The following MAP2K4 variants were observed in gnomAD, a reference collection of about 807,000 sequenced individuals.
The protein encoded by MAP2K4 is dual specificity mitogen-activated protein kinase kinase 4.
MAP2K4 carries 4 observed loss-of-function variants against 48.5 expected under a neutral mutation model. The observed-to-expected ratio is 0.08, with a 90% CI of 0.04 to 0.19. The LOEUF (loss-of-function observed/expected upper bound fraction) is 0.19. Among genes scored for constraint, MAP2K4 ranks in the 10% least tolerant of loss-of-function variants. The pLI, the probability that MAP2K4 is intolerant of heterozygous loss-of-function variation, is 1.00. For synonymous variants in MAP2K4, 166 were observed against 173.1 expected, an observed-to-expected ratio of 0.96 and a Z score of 0.32; for missense variants, 258 against 493.3, an observed-to-expected ratio of 0.52 and a Z score of 4.52.
chr17:12,033,953 C>T (rs547111132), intron 1 of MAP2K4, among the ~76,000 whole-genome samples: 1 of 152,198 alleles, frequency 6.6e-6, no homozygotes, highest in East Asian at 1.9e-4. Flanking sequence ...CCACACCCAG[C>T]TCATTTTAAA....
chr17:12,090,001 TCATATCC>T lies in MAP2K4; in HGVS notation c.394-5573_394-5567del, dbSNP rs549745232. On this transcript the variant is annotated intron_variant, in intron 3 of 10. Transcript: ENST00000353533. The stretch of plus-strand genomic sequence containing the variant: ...GATTCCTTACATGTTTGCTGATGAC[TCATATCC>T]TTTTTGCCTAGAATGTTCAGATCCT... Among the ~76,000 whole-genome samples the T allele has an allele frequency of 2.3e-4, 35 of 152,370 alleles. No homozygotes were observed. In the South Asian group the frequency reaches 5.2e-3, roughly 23 times the overall value.
At chr17:12,029,806 G>A (rs372518017) in intron 1 of MAP2K4, among the ~76,000 whole-genome samples, 6 of 151,880 alleles carry the variant, frequency 4.0e-5, no homozygotes, top group African/African-American at 1.4e-4. Flanking sequence ...AGACATAGTG[G>A]CTTGCACCTG....
chr17:12,047,838 A>G (rs1173807064), intron 1 of MAP2K4, among the ~76,000 whole-genome samples: 1 of 152,178 alleles, frequency 6.6e-6, no homozygotes, highest in Non-Finnish European at 1.5e-5. Flanking sequence ...TCCTTATCAC[A>G]ACAGTACTGC....
intron 7 of MAP2K4, among the ~76,000 whole-genome samples, chr17:12,114,518 A>G (rs1347005603): frequency 1.3e-5 from 2 of 152,096 alleles, no homozygotes; most frequent in East Asian, 3.9e-4. Context: ...TCATTTGTTT[A>G]TCGTGATAAC....
chr17:12,028,261 A>G (rs192214081), intron 1 of MAP2K4, among the ~76,000 whole-genome samples: 1 of 152,212 alleles, frequency 6.6e-6, no homozygotes, highest in Non-Finnish European at 1.5e-5. Flanking sequence ...AAGAGCTGGC[A>G]TTATGAGGAC....
intron 4 of MAP2K4, among the ~76,000 whole-genome samples, chr17:12,104,326 A>G (rs549149155): frequency 2.0e-5 from 3 of 152,230 alleles, no homozygotes; most frequent in South Asian, 2.1e-4. Context: ...CTGCCTTTCT[A>G]TACTTTAAAG....
At position 12,143,351 on chromosome 17, in the gene MAP2K4, A is replaced by G; in HGVS notation, c.*2091A>G. 4.3e-6 allele frequency: 1 copy of G among 232,796 alleles called. No homozygotes were observed. The highest frequency in any genetic ancestry group is 8.5e-6 in the Non-Finnish European group (1 of 117,514). 14.4% of individuals were successfully genotyped at this position (232,796 alleles called of 1,614,324 possible). On this transcript the variant is annotated 3_prime_UTR_variant, in exon 11 of 11. Coordinates refer to ENST00000353533, the MANE Select transcript of MAP2K4 (RefSeq NM_003010.4). ...AGAAGGCAATTTTAGTGTATTAATCATAGATTATTATAAACTATAAACTTA... is the reference window on the plus strand; with the variant it reads ...AGAAGGCAATTTTAGTGTATTAATCGTAGATTATTATAAACTATAAACTTA...
Position 12,057,122 on chromosome 17 carries a change from T to C in MAP2K4, c.218+2131T>C, listed in dbSNP as rs546996301. 7.6e-4 allele frequency among the ~76,000 whole-genome samples: 116 copies of C among 152,282 alleles called. 1 individual carries two copies. Among genetic ancestry groups the C allele is most frequent in the African/African-American group, 2.7e-3 (113 of 41,562 alleles). On this transcript the variant is annotated intron_variant, in intron 2 of 10. Coordinates refer to ENST00000353533, the MANE Select transcript of MAP2K4 (RefSeq NM_003010.4). ...AAAAAATTGTAAGACAGTGTTCTTT[T>C]TTTCTGAGAACCAACAGTTTAAATA...
intron 1 of MAP2K4, 38 bp from the exon 2 acceptor site, chr17:12,054,851 G>A (rs1250252243): frequency 5.2e-6 from 7 of 1,352,250 alleles, no homozygotes; most frequent in South Asian, 1.2e-5. Flanking sequence ...CTGTTTTGTA[G>A]TACTTGAAAC....
intron 1 of MAP2K4, among the ~76,000 whole-genome samples, chr17:12,032,630 C>T (rs542330056): frequency 6.6e-6 from 1 of 152,040 alleles, no homozygotes; most frequent in Admixed American, 6.6e-5. Flanking sequence ...CTTTTAAGAT[C>T]GTGGTGCAGA....
chr17:12,117,864 G>A (rs1972553350), intron 7 of MAP2K4, among the ~76,000 whole-genome samples: 1 of 152,170 alleles, frequency 6.6e-6, no homozygotes, highest in Non-Finnish European at 1.5e-5. Flanking sequence ...CTGAAGTTCT[G>A]TGCTGAAAGT....
intron 4 of MAP2K4, among the ~76,000 whole-genome samples, chr17:12,096,417 G>A (rs1025546065): frequency 1.3e-5 from 2 of 152,144 alleles, no homozygotes; most frequent in African/African-American, 4.8e-5. Flanking sequence ...GTGGAAGTGA[G>A]TTTGGGCTAG....
intron 9 of MAP2K4, 116 bp downstream of exon 9, chr17:12,129,403 T>G: frequency 8.3e-7 from 1 of 1,211,040 alleles, no homozygotes; most frequent in African/African-American, 1.5e-5. Flanking sequence ...CACATCACCC[T>G]ACTTTTCAAG....
At chr17:12,138,432 C>G (rs1973273651) in intron 9 of MAP2K4, among the ~76,000 whole-genome samples, 1 of 151,750 alleles carries the variant, frequency 6.6e-6, no homozygotes. Context: ...TTAAGAAAAT[C>G]ATAAGGAAGA....
At chr17:12,112,872 G>A (rs571557144) in intron 6 of MAP2K4, among the ~76,000 whole-genome samples, 15 of 152,152 alleles carry the variant, frequency 9.9e-5, no homozygotes, top group Non-Finnish European at 2.1e-4. Context: ...TTAAGCACTG[G>A]CATTCAGAAA....
At chr17:12,109,938 G>A (rs1477116787) in intron 5 of MAP2K4, among the ~76,000 whole-genome samples, 1 of 151,912 alleles carries the variant, frequency 6.6e-6, no homozygotes, top group African/African-American at 2.4e-5. Context: ...GATCAGCTTG[G>A]GCAACATAGT....
chr17:12,135,513 CG>C (rs1414638276), intron 9 of MAP2K4, among the ~76,000 whole-genome samples: 1 of 152,124 alleles, frequency 6.6e-6, no homozygotes, highest in African/African-American at 2.4e-5. Flanking sequence ...ATTACAGTGG[CG>C]TGAGCCACTG....
At chr17:12,132,632 T>A (rs533365981) in intron 9 of MAP2K4, among the ~76,000 whole-genome samples, 1 of 151,854 alleles carries the variant, frequency 6.6e-6, no homozygotes, top group Non-Finnish European at 1.5e-5. Context: ...AGGATAAGAC[T>A]TAATGGTTCA....
At chr17:12,034,167 A>G (rs1002239387) in intron 1 of MAP2K4, among the ~76,000 whole-genome samples, 2 of 152,354 alleles carry the variant, frequency 1.3e-5, no homozygotes, top group African/African-American at 2.4e-5. Context: ...ATAAAACAAG[A>G]GAAACATTGA....
Sources: allele counts gnomAD v4.1 joint callset (sites outside exome capture counted in the v4.1 genomes callset), GRCh38; gene constraint gnomAD v4.1.1; transcripts MANE v1.5; gene names NCBI Gene and HGNC (gene_info 2026-07-23, HGNC 2026-07-21).